Variants in MIS18BP1 observed in about 807,000 individuals in gnomAD.
MIS18BP1 encodes mis18-binding protein 1.
Under a neutral mutation model 116.1 loss-of-function variants are expected in MIS18BP1, and 72 were observed. The ratio of observed to expected loss-of-function variants is 0.62; its 90% CI spans 0.51 to 0.75. The LOEUF (loss-of-function observed/expected upper bound fraction) is 0.75, where lower values mean the gene tolerates loss of function less well. Ranked by LOEUF, MIS18BP1 falls within the 30% of genes least tolerant of loss-of-function variation. The pLI is 0.00. For synonymous variants in MIS18BP1, 386 were observed against 427.0 expected, an observed-to-expected ratio of 0.90 and a Z score of 1.18; for missense variants, 1,363 against 1,303.2, an observed-to-expected ratio of 1.05 and a Z score of -0.71.
At chr14:45,235,175 C>G (rs958406672) in intron 6 of MIS18BP1, among the ~76,000 whole-genome samples, 9 of 150,788 alleles carry the variant, frequency 6.0e-5, no homozygotes, top group African/African-American at 1.7e-4. Flanking sequence ...CCACTACACT[C>G]CAGCCTGGGC....
chr14:45,206,151 CAT>C lies in MIS18BP1; in HGVS notation c.3170_3171del (p.Tyr1057CysfsTer9). ...TTATGATATTTTTGCATACGAAAAA[CAT>C]ATTTATCACAGTCATTCCTGTTTGA... ...GSINRNDCDK[Y>X]VFRMQKYHKS... On this transcript the variant is annotated frameshift_variant, in exon 15 of 17. Coordinates refer to ENST00000310806, the MANE Select transcript of MIS18BP1 (RefSeq NM_018353.5). LOFTEE classifies it high-confidence loss of function. 1.2e-6 allele frequency: 2 copies of C among 1,604,280 alleles called. No homozygotes were observed. The highest frequency in any genetic ancestry group is 1.1e-5 in the South Asian group (1 of 90,218).
chr14:45,248,247 G>C (rs187218415), intron 1 of MIS18BP1, among the ~76,000 whole-genome samples: 1 of 151,490 alleles, frequency 6.6e-6, no homozygotes, highest in South Asian at 2.1e-4. Context: ...TTGTATTTTT[G>C]CTAGAGACAG....
chr14:45,235,669 C>A, intron 6 of MIS18BP1, 145 bp downstream of exon 6: 6 of 503,572 alleles, frequency 1.2e-5, no homozygotes, highest in Non-Finnish European at 1.9e-5. Context: ...AAAAAAATTA[C>A]CAGTTTTATA....
intron 4 of MIS18BP1, among the ~76,000 whole-genome samples, chr14:45,238,682 G>A (rs148148176): frequency 1.3e-5 from 2 of 152,232 alleles, no homozygotes; most frequent in African/African-American, 4.8e-5. Flanking sequence ...AAAATTAGCT[G>A]GGTGTGGTGG....
At chr14:45,223,405 C>A (rs2139180961) in intron 11 of MIS18BP1, among the ~76,000 whole-genome samples, 1 of 152,306 alleles carries the variant, frequency 6.6e-6, no homozygotes, top group Admixed American at 6.5e-5. Flanking sequence ...GGTGAAACCT[C>A]ATCTCTACTA....
rs776701028 is a variant in MIS18BP1, at chr14:45,218,280, A to G, written c.2842+2T>C. 2.5e-6 allele frequency: 4 copies of G among 1,613,200 alleles called. No individual in the cohort carries two copies. In the East Asian group the frequency reaches 8.9e-5, roughly 36 times the overall value. ...AAAAAAACTATTTACTACGAAGGTT[A>G]CCATTTTGGCCTTTGGAATTGGCTG... On this transcript the variant is annotated splice_donor_variant, in intron 12 of 16. Transcript: ENST00000310806. LOFTEE classifies it high-confidence loss of function.
intron 1 of MIS18BP1, among the ~76,000 whole-genome samples, chr14:45,250,548 A>T (rs1891840842): frequency 6.6e-6 from 1 of 152,240 alleles, no homozygotes; most frequent in Non-Finnish European, 1.5e-5. Flanking sequence ...GTCACTAACA[A>T]GAAATTGTTA....
Position 45,236,774 on chromosome 14 carries a change from G to A in MIS18BP1, c.1218-830C>T, listed in dbSNP as rs553895644. Among the ~76,000 whole-genome samples, 6 of 152,186 alleles carry A rather than the reference G, an allele frequency of 3.9e-5. No individual in the cohort carries two copies. The South Asian group carries it at 1.0e-3, about 26-fold the overall frequency. On this transcript the variant is annotated intron_variant, in intron 5 of 16. Coordinates refer to ENST00000310806, the MANE Select transcript of MIS18BP1 (RefSeq NM_018353.5). ...ATTTAATCCTCAGCACAACTAACTA[G>A]GTAAGTAATACCATTATCCATATTG...
At chr14:45,210,338 T>C in intron 14 of MIS18BP1, 42 bp downstream of exon 14, 1 of 1,591,640 alleles carries the variant, frequency 6.3e-7, no homozygotes, top group Non-Finnish European at 8.6e-7. Flanking sequence ...TCCTCACTAC[T>C]CTGATGCAGA....
At chr14:45,205,301 G>A (rs1180436436) in intron 15 of MIS18BP1, among the ~76,000 whole-genome samples, 1 of 152,024 alleles carries the variant, frequency 6.6e-6, no homozygotes, top group Non-Finnish European at 1.5e-5. Context: ...TACCACACAT[G>A]AATAAAATGG....
chr14:45,242,410 C>T lies in MIS18BP1; in HGVS notation c.767G>A (p.Ser256Asn), dbSNP rs765552011. The T allele has an allele frequency of 8.7e-6, 14 of 1,613,890 alleles. No individual in the cohort carries two copies. In the African/African-American group the frequency reaches 9.3e-5, roughly 11 times the overall value. ...TTTGGATTTAGTGGTTGCAACTATA[C>T]TCTCCTTTGAGTGAAAAATTTGTTT... is the stretch of plus-strand genomic sequence containing the variant. ...LAKQIFHSKE[S>N]IVATTKSKKD... Residue 256 changes from serine (S) to asparagine (N), a missense_variant, in exon 4 of 17, where the codon AGT becomes AAT. Coordinates refer to ENST00000310806, the MANE Select transcript of MIS18BP1 (RefSeq NM_018353.5).
intron 1 of MIS18BP1, among the ~76,000 whole-genome samples, chr14:45,252,011 T>C (rs1316875257): frequency 2.0e-5 from 3 of 152,214 alleles, no homozygotes; most frequent in Non-Finnish European, 4.4e-5. Context: ...CACTATATAA[T>C]CTAACAGCAA....
rs763872492 is a variant in MIS18BP1, at chr14:45,242,804, C to T, written c.615G>A (p.Gln205=). The change falls in exon 3 of 17, where the codon CAG becomes CAA. Residue 205 remains glutamine (Q), a synonymous_variant. Coordinates refer to ENST00000310806, the MANE Select transcript of MIS18BP1 (RefSeq NM_018353.5). ...GTGGTGCTTTCTTTTCCTGCTGGCA[C>T]TGAATCTTTTGTTTGACCGGGAGGA... The part of the protein sequence containing the change: ...DIFLPVKQKI[Q]CQQEKKAPLH... 6.2e-7 allele frequency: 1 copy of T among 1,613,436 alleles called. No homozygotes were observed. The highest frequency in any genetic ancestry group is 2.2e-5 in the East Asian group (1 of 44,844).
intron 13 of MIS18BP1, among the ~76,000 whole-genome samples, chr14:45,213,695 A>AGT (rs1890738024): frequency 6.6e-6 from 1 of 152,226 alleles, no homozygotes; most frequent in East Asian, 1.9e-4. Context: ...CTTAGCCGTT[A>AGT]GTAGGAACCC....
intron 15 of MIS18BP1, among the ~76,000 whole-genome samples, chr14:45,204,966 T>C (rs1289522015): frequency 6.6e-6 from 1 of 152,116 alleles, no homozygotes; most frequent in Non-Finnish European, 1.5e-5. Flanking sequence ...ATTTTAATTC[T>C]CTGTACTTGA....
At chr14:45,211,749 C>T (rs1441894943) in intron 13 of MIS18BP1, among the ~76,000 whole-genome samples, 1 of 152,200 alleles carries the variant, frequency 6.6e-6, no homozygotes, top group Non-Finnish European at 1.5e-5. Context: ...GGCCATGGAG[C>T]CACCTGTGAG....
intron 9 of MIS18BP1, 124 bp from the exon 10 acceptor site, chr14:45,226,960 T>C: frequency 1.3e-6 from 1 of 758,368 alleles, no homozygotes; most frequent in South Asian, 3.3e-5. Flanking sequence ...CAAATTTCAT[T>C]AGTGGACACA....
chr14:45,242,640 T>G, intron 3 of MIS18BP1, 121 bp downstream of exon 3: 1 of 1,459,558 alleles, frequency 6.9e-7, no homozygotes, highest in Non-Finnish European at 9.1e-7. Flanking sequence ...TGAGTGTCTC[T>G]TTTACGATTC....
intron 14 of MIS18BP1, among the ~76,000 whole-genome samples, chr14:45,207,750 G>T (rs1343971288): frequency 6.6e-6 from 1 of 152,196 alleles, no homozygotes; most frequent in Non-Finnish European, 1.5e-5. Flanking sequence ...TTTCACTTCT[G>T]AAGTGATATA....
Sources: gnomAD v4.1 joint callset for allele counts (sites outside exome capture counted in the v4.1 genomes callset) on GRCh38, gnomAD v4.1.1 for gene constraint, MANE v1.5 for transcripts, NCBI Gene and HGNC (gene_info 2026-07-23, HGNC 2026-07-21) for gene names.